CCNA1: variants seen among roughly 807,000 people sequenced by gnomAD.
CCNA1 encodes cyclin-A1.
CCNA1 carries 23 observed loss-of-function variants against 54.1 expected under a neutral mutation model. The ratio of observed to expected loss-of-function variants is 0.42; its 90% CI spans 0.31 to 0.60. CCNA1 has a LOEUF of 0.60. Among genes scored for constraint, CCNA1 ranks in the 20% least tolerant of loss-of-function variants. CCNA1 has a pLI of 0.14. For missense variants in CCNA1, 450 were observed against 556.7 expected (o/e 0.81, Z 1.93); for synonymous variants, 208 against 213.9 (o/e 0.97, Z 0.24).
intron 2 of CCNA1, among the ~76,000 whole-genome samples, chr13:36,436,618 A>G (rs567301669): frequency 6.6e-6 from 1 of 152,330 alleles, no homozygotes; most frequent in East Asian, 1.9e-4. Context: ...GCAAGAGTCA[A>G]ACTTCGCAGT....
chr13:36,437,943 A>C, intron 3 of CCNA1, 68 bp downstream of exon 3: 1 of 1,576,214 alleles, frequency 6.3e-7, no homozygotes. Flanking sequence ...AGCATTCAAT[A>C]GCTAGTAACT....
rs752851752 is a variant in CCNA1 at position 36,438,708 on chromosome 13, C to T, written c.734C>T (p.Thr245Met). The change falls in exon 5 of 9, where the codon ACG becomes ATG. Residue 245 changes from threonine (T) to methionine (M), a missense_variant. Thr to Met is a moderately conservative substitution (Grantham distance 81). This residue lies in a region of CCNA1 where 150 missense variants were observed against 219.7 expected (regional missense o/e 0.68). Coordinates refer to ENST00000255465, the MANE Select transcript of CCNA1 (RefSeq NM_003914.4). ...CCAGACATCACGGAAGGCATGCGCA[C>T]GATTCTGGTGGACTGGCTGGTGGAG... The T allele has an allele frequency of 1.6e-5, 26 of 1,613,948 alleles. No individual in the cohort carries two copies. Among genetic ancestry groups the T allele is most frequent in the East Asian group, 6.7e-5 (3 of 44,886 alleles).
intron 2 of CCNA1, among the ~76,000 whole-genome samples, chr13:36,437,379 C>T (rs61950306): frequency 2.5e-4 from 38 of 152,012 alleles, no homozygotes; most frequent in Non-Finnish European, 5.0e-4. Flanking sequence ...CTTGAGTTTC[C>T]TTTGATACAT....
chr13:36,433,370 TTTTC>T (rs201986317), intron 2 of CCNA1, 149 bp downstream of exon 2: 51,270 of 315,122 alleles, frequency 0.16, 10,178 homozygotes, highest in East Asian at 0.18. Flanking sequence ...GATTGATTTA[TTTTC>T]TTTCTTTCTT....
upstream of CCNA1, chr13:36,432,243 G>A (rs1359467636): frequency 9.7e-6 from 2 of 206,296 alleles, no homozygotes; most frequent in African/African-American, 4.7e-5. Context: ...CTCCCGCTAG[G>A]TCCGGGGGCG....
chr13:36,436,639 T>C (rs2055808813), intron 2 of CCNA1, among the ~76,000 whole-genome samples: 1 of 152,242 alleles, frequency 6.6e-6, no homozygotes, highest in Non-Finnish European at 1.5e-5. Context: ...AACTTGGTTA[T>C]CTGGTTACAG....
rs994893221 is a variant in CCNA1 at position 36,442,794 on chromosome 13, A to T, written c.*129A>T. 7.7e-6 allele frequency: 6 copies of T among 775,910 alleles called. No individual in the cohort carries two copies. The highest frequency in any genetic ancestry group is 7.4e-5 in the Admixed American group (3 of 40,628). 48.1% of individuals were successfully genotyped at this position (775,910 alleles called of 1,614,324 possible). A position where few individuals can be genotyped will look rare whatever the true frequency, so the allele number is the denominator to read the frequency against. On this transcript the variant is annotated 3_prime_UTR_variant, in exon 9 of 9. Transcript: ENST00000255465. The stretch of plus-strand genomic sequence containing the variant: ...AGATGACATTTTAAAAATGTAAATG[A>T]ATTTAGTTTCCCTTAGACTTTAGTA...
At position 36,432,690 on chromosome 13, in the gene CCNA1, C is replaced by T. The variant is rs767231656; in HGVS notation, c.69C>T (p.Leu23=). ...TTGGGGGCTGGGGAGAAGAGTATCT[C>T]AGCTGGGAAGGACCGGGGCTCCCAG... The change falls in exon 1 of 9, where the codon CTC becomes CTT. Residue 23 remains leucine, a synonymous_variant. Coordinates refer to ENST00000255465, the MANE Select transcript of CCNA1 (RefSeq NM_003914.4). 3 of 1,612,950 alleles carry T rather than the reference C, an allele frequency of 1.9e-6. No individual in the cohort carries two copies. The highest frequency in any genetic ancestry group is 1.7e-6 in the Non-Finnish European group (2 of 1,179,556).
chr13:36,440,340 C>G (rs554036466), intron 6 of CCNA1, among the ~76,000 whole-genome samples, 157 bp downstream of exon 6: 1 of 152,110 alleles, frequency 6.6e-6, no homozygotes, highest in African/African-American at 2.4e-5. Flanking sequence ...TTTTAAGAAC[C>G]CAGCTTTTGG....
chr13:36,433,433 T>TC (rs1491548987), intron 2 of CCNA1, among the ~76,000 whole-genome samples: 11 of 103,188 alleles, frequency 1.1e-4, no homozygotes, highest in African/African-American at 3.5e-4. Context: ...TTTCTTTCTT[T>TC]CTTTCTTTCG....
At chr13:36,434,642 C>T (rs114775502) in intron 2 of CCNA1, among the ~76,000 whole-genome samples, 1,577 of 151,986 alleles carry the variant, frequency 0.01, 23 homozygotes, top group African/African-American at 0.035. Context: ...TTGTACCTTC[C>T]CTTCTCTGTT....
intron 4 of CCNA1, 125 bp downstream of exon 4, chr13:36,438,316 T>G (rs2055832856): frequency 3.5e-6 from 3 of 849,274 alleles, no homozygotes; most frequent in Admixed American, 2.4e-5. Context: ...CATAAGAATA[T>G]CTATGAAAAA....
intron 2 of CCNA1, 105 bp from the exon 3 acceptor site, chr13:36,437,524 A>T: frequency 9.1e-7 from 1 of 1,099,408 alleles, no homozygotes; most frequent in Non-Finnish European, 1.3e-6. Context: ...TTTTCAGTTT[A>T]GAATGTATCT....
rs1218016650 is a variant in CCNA1, at chr13:36,433,060, C to T, written c.136C>T (p.His46Tyr). The change falls in exon 2 of 9, where the codon CAC (histidine) becomes TAC (tyrosine). Residue 46 changes from histidine (H) to tyrosine (Y), a missense_variant. Transcript: ENST00000255465. ...GCAGCCCGTGGAGTCTGAAGCAATG[C>T]ACTGCAGCAACCCCAAGAGTGGAGT... 1.9e-6 allele frequency: 3 copies of T among 1,613,860 alleles called. No individual in the cohort carries two copies. Among genetic ancestry groups the T allele is most frequent in the Non-Finnish European group, 2.5e-6 (3 of 1,179,834 alleles).
At chr13:36,442,364 A>G in intron 8 of CCNA1, 60 bp downstream of exon 8, 1 of 1,542,470 alleles carries the variant, frequency 6.5e-7, no homozygotes, top group Non-Finnish European at 8.9e-7. Context: ...GGTTATAGTA[A>G]TGGTTACTAG....
At chr13:36,437,557 G>T in intron 2 of CCNA1, 72 bp from the exon 3 acceptor site, 1 of 1,454,824 alleles carries the variant, frequency 6.9e-7, no homozygotes, top group South Asian at 1.3e-5. Context: ...CTGTTGGTTT[G>T]AGTCATGCAG....
At chr13:36,433,370 T>TTTTCTTTTTC (rs2055743302) in intron 2 of CCNA1, 149 bp downstream of exon 2, 1 of 312,966 alleles carries the variant, frequency 3.2e-6, no homozygotes, top group Non-Finnish European at 5.4e-6. Flanking sequence ...GATTGATTTA[T>TTTTCTTTTTC]TTTCTTTCTT....
rs78782533 is a variant in CCNA1 at position 36,435,396 on chromosome 13, T to A, written c.297+2175T>A. Among the ~76,000 whole-genome samples, 86 of 152,344 alleles carry A rather than the reference T, an allele frequency of 5.6e-4. 1 individual carries two copies. In the East Asian group the frequency reaches 0.015, roughly 27 times the overall value. Reference sequence around the variant, plus strand: ...TGGCACACATTGTTTGTTGGATGAATGTTCTCTGTCTCTAGTTCTTTTCCT... The same window carrying A: ...TGGCACACATTGTTTGTTGGATGAAAGTTCTCTGTCTCTAGTTCTTTTCCT... On this transcript the variant is annotated intron_variant, in intron 2 of 8. Coordinates refer to ENST00000255465, the MANE Select transcript of CCNA1 (RefSeq NM_003914.4).
rs2137836075 is a variant in CCNA1, at chr13:36,441,213, T to A, written c.1194T>A (p.Thr398=). The stretch of plus-strand genomic sequence containing the variant: ...CAGCTTTTTGCCTGGCAAACTATAC[T>A]GTGAACAAGCACTTTTGGGTAAGAT... The change falls in exon 7 of 9, where the codon ACT becomes ACA. Residue 398 remains threonine (T), a synonymous_variant. Transcript: ENST00000255465. The A allele has an allele frequency of 6.2e-7, 1 of 1,604,936 alleles. No individual in the cohort carries two copies. Among genetic ancestry groups the A allele is most frequent in the Non-Finnish European group, 8.5e-7 (1 of 1,171,876 alleles).
Sources: gnomAD v4.1 joint callset for allele counts (sites outside exome capture counted in the v4.1 genomes callset) on GRCh38, gnomAD v4.1.1 for gene constraint, gnomAD v4.1.1 regional missense constraint, MANE v1.5 for transcripts, NCBI Gene and HGNC (gene_info 2026-07-23, HGNC 2026-07-21) for gene names.